Variants in ADAMTS16 observed in about 807,000 individuals in gnomAD.
The protein encoded by ADAMTS16 is A disintegrin and metalloproteinase with thrombospondin motifs 16.
Under a neutral mutation model 145.8 loss-of-function variants are expected in ADAMTS16, and 94 were observed. The ratio of observed to expected loss-of-function variants is 0.64; its 90% CI spans 0.55 to 0.77. The LOEUF is 0.77. Ranked by LOEUF, ADAMTS16 falls within the 30% of genes least tolerant of loss-of-function variation. The probability of loss-of-function intolerance (pLI) is 0.00; values close to 1 mark genes in which losing one functional copy is unlikely to be tolerated. For synonymous variants in ADAMTS16, 659 were observed against 604.3 expected (o/e 1.09, Z -1.33); for missense variants, 1,585 against 1,591.5 (o/e 1.00, Z 0.07).
chr5:5,193,545 C>T (rs571200136), intron 8 of ADAMTS16, among the ~76,000 whole-genome samples: 7 of 152,120 alleles, frequency 4.6e-5, no homozygotes, highest in South Asian at 2.1e-4. Context: ...AGCCAGTGAA[C>T]GTTCGATAAG....
At chr5:5,237,801 C>G (rs1015827132) in intron 14 of ADAMTS16, among the ~76,000 whole-genome samples, 1 of 152,058 alleles carries the variant, frequency 6.6e-6, no homozygotes, top group Admixed American at 6.5e-5. Flanking sequence ...AGGAGACAAG[C>G]TGGGGAAGTG....
intron 8 of ADAMTS16, among the ~76,000 whole-genome samples, chr5:5,196,196 C>T (rs1171796094): frequency 3.5e-5 from 5 of 144,564 alleles, no homozygotes; most frequent in Admixed American, 7.2e-5. Context: ...CGAGATCACG[C>T]CACCGCACTC....
intron 18 of ADAMTS16, among the ~76,000 whole-genome samples, chr5:5,283,040 C>G (rs1738980047): frequency 6.6e-6 from 1 of 151,712 alleles, no homozygotes; most frequent in Admixed American, 6.6e-5. Context: ...TACATTTTTT[C>G]AAACAATAAT....
intron 11 of ADAMTS16, among the ~76,000 whole-genome samples, chr5:5,228,779 G>A (rs554787711): frequency 1.4e-4 from 22 of 152,326 alleles, no homozygotes; most frequent in African/African-American, 4.8e-4. Flanking sequence ...ACCCGTGCTA[G>A]CATTCTTAGA....
Position 5,270,611 on chromosome 5 carries a change from C to G in ADAMTS16, c.2789+7828C>G, listed in dbSNP as rs1022734962. Among the ~76,000 whole-genome samples, 9 of 152,210 alleles carry G rather than the reference C, an allele frequency of 5.9e-5. 1 individual carries two copies. The highest frequency in any genetic ancestry group is 5.2e-4 in the Admixed American group (8 of 15,286). On this transcript the variant is annotated intron_variant, in intron 18 of 22. Coordinates refer to ENST00000274181, the MANE Select transcript of ADAMTS16 (RefSeq NM_139056.4). ...ATGGCAAAAACACAGAATAATGGAC[C>G]TACATGGCATATGTCAACCCTTGGG...
chr5:5,146,869 C>G (rs1003796848), intron 3 of ADAMTS16, among the ~76,000 whole-genome samples: 2 of 152,190 alleles, frequency 1.3e-5, no homozygotes, highest in African/African-American at 4.8e-5. Context: ...ATTATTTGAT[C>G]AGATATTTGA....
intron 18 of ADAMTS16, among the ~76,000 whole-genome samples, chr5:5,302,527 C>A (rs1028848251): frequency 6.6e-6 from 1 of 152,146 alleles, no homozygotes; most frequent in African/African-American, 2.4e-5. Flanking sequence ...TCCAAGAATC[C>A]TGTAACCAGC....
chr5:5,182,224 C>T lies in ADAMTS16; in HGVS notation c.682C>T (p.Leu228=), dbSNP rs754211784. The change falls in exon 4 of 23, where the codon CTG becomes TTG. Residue 228 remains leucine, a synonymous_variant. Coordinates refer to ENST00000274181, the MANE Select transcript of ADAMTS16 (RefSeq NM_139056.4). ...EVLVTSRTWE[L]AHQPLHSSDL... ...CCTGGTGACCTCAAGGACATGGGAGCTGGCACATCAACCCCTGCACAGCAG... is the reference window on the plus strand; with the variant it reads ...CCTGGTGACCTCAAGGACATGGGAGTTGGCACATCAACCCCTGCACAGCAG... 3 of 1,614,194 alleles carry T rather than the reference C, an allele frequency of 1.9e-6. No individual in the cohort carries two copies. Among genetic ancestry groups the T allele is most frequent in the Non-Finnish European group, 2.5e-6 (3 of 1,180,034 alleles).
chr5:5,206,501 A>ATGG (rs1216088321), intron 9 of ADAMTS16, among the ~76,000 whole-genome samples: 15 of 149,288 alleles, frequency 1.0e-4, no homozygotes, highest in Non-Finnish European at 1.9e-4. Flanking sequence ...ATTTTTTGAA[A>ATGG]TGGAGTCTCA....
intron 18 of ADAMTS16, among the ~76,000 whole-genome samples, chr5:5,266,923 G>A (rs1738259510): frequency 6.6e-6 from 1 of 152,182 alleles, no homozygotes; most frequent in Non-Finnish European, 1.5e-5. Flanking sequence ...GCAGTCTTAT[G>A]TTGTCAGGCA....
intron 13 of ADAMTS16, 145 bp downstream of exon 13, chr5:5,235,331 GT>G: frequency 1.1e-6 from 1 of 889,572 alleles, no homozygotes; most frequent in Non-Finnish European, 1.5e-6. Context: ...CTGGAGGTTA[GT>G]TTTATTTTGC....
intron 18 of ADAMTS16, among the ~76,000 whole-genome samples, chr5:5,278,003 A>G (rs966681): frequency 0.3 from 45,748 of 152,082 alleles, 8,384 homozygotes; most frequent in East Asian, 0.57. Flanking sequence ...AAAAAAGACT[A>G]AAGAGAAGTA....
intron 3 of ADAMTS16, among the ~76,000 whole-genome samples, chr5:5,159,911 C>G (rs1373215984): frequency 6.6e-6 from 1 of 152,072 alleles, no homozygotes; most frequent in African/African-American, 2.4e-5. Context: ...TTGTATTCAC[C>G]CTGAGGCAGT....
intron 9 of ADAMTS16, among the ~76,000 whole-genome samples, chr5:5,204,762 G>A (rs1001896195): frequency 1.3e-5 from 2 of 152,180 alleles, no homozygotes; most frequent in Non-Finnish European, 2.9e-5. Context: ...GTTTGCATAT[G>A]TGTCTTGAGT....
At chr5:5,244,915 A>C (rs1376839405) in intron 17 of ADAMTS16, among the ~76,000 whole-genome samples, 1 of 152,138 alleles carries the variant, frequency 6.6e-6, no homozygotes, top group Non-Finnish European at 1.5e-5. Flanking sequence ...TTTTCCCTTG[A>C]TCTATGTTTG....
At chr5:5,189,091 G>A (rs1002627962) in intron 6 of ADAMTS16, among the ~76,000 whole-genome samples, 1 of 152,122 alleles carries the variant, frequency 6.6e-6, no homozygotes, top group Admixed American at 6.5e-5. Flanking sequence ...AACATTTCAG[G>A]AGAAAACATA....
rs1182259374 is a variant in ADAMTS16 at position 5,310,690 on chromosome 5, C to T, written c.3411+3962C>T. ...CCACCAGATTCTGCACCAGGCATGACGGGCCCTCCCTCAACCTCCAGAAGG... is the reference window on the plus strand; with the variant it reads ...CCACCAGATTCTGCACCAGGCATGATGGGCCCTCCCTCAACCTCCAGAAGG... On this transcript the variant is annotated intron_variant, in intron 21 of 22. Coordinates refer to ENST00000274181, the MANE Select transcript of ADAMTS16 (RefSeq NM_139056.4). This position sits in a 1 kb window ranked among gnomAD's most constrained non-coding sequence, Gnocchi z 4.3. Among the ~76,000 whole-genome samples the T allele has an allele frequency of 2.6e-5, 4 of 152,186 alleles. No individual in the cohort carries two copies. The highest frequency in any genetic ancestry group is 4.8e-5 in the African/African-American group (2 of 41,458).
intron 17 of ADAMTS16, 33 bp from the exon 18 acceptor site, chr5:5,262,620 TGTGA>T: frequency 6.3e-7 from 1 of 1,598,816 alleles, no homozygotes; most frequent in East Asian, 2.2e-5. Flanking sequence ...GGGGCATGCA[TGTGA>T]GTCTTTATTC....
intron 8 of ADAMTS16, among the ~76,000 whole-genome samples, chr5:5,197,130 A>T (rs1031793146): frequency 2.6e-5 from 4 of 152,214 alleles, no homozygotes; most frequent in Non-Finnish European, 5.9e-5. Flanking sequence ...TGCCATCCAG[A>T]TAACATTGGC....
Sources: allele counts gnomAD v4.1 joint callset (sites outside exome capture counted in the v4.1 genomes callset), GRCh38; gene constraint gnomAD v4.1.1; non-coding constraint Gnocchi (gnomAD v3.1); transcripts MANE v1.5; gene names NCBI Gene and HGNC (gene_info 2026-07-23, HGNC 2026-07-21).